The following COL24A1 variants were observed in gnomAD, a reference collection of about 807,000 sequenced individuals.
COL24A1 encodes the protein collagen type XXIV alpha 1 chain.
Under a neutral mutation model 253.9 loss-of-function variants are expected in COL24A1, and 224 were observed. That is an observed-to-expected ratio of 0.88 (90% CI 0.79 to 0.99). The LOEUF is 0.99. Among genes scored for constraint, COL24A1 ranks in the 50% least tolerant of loss-of-function variants. COL24A1 has a pLI of 0.00. For synonymous variants in COL24A1, 685 were observed against 673.7 expected, an observed-to-expected ratio of 1.02 and a Z score of -0.26; for missense variants, 2,131 against 2,068.5, an observed-to-expected ratio of 1.03 and a Z score of -0.59.
At chr1:85,766,881 A>G (rs1258779876) in intron 53 of COL24A1, among the ~76,000 whole-genome samples, 1 of 152,108 alleles carries the variant, frequency 6.6e-6, no homozygotes, top group Non-Finnish European at 1.5e-5. Context: ...TGAGGCGGGC[A>G]GATCACGAGG....
chr1:85,976,075 T>C lies in COL24A1; in HGVS notation c.2365-4682A>G, dbSNP rs573201669. 5.6e-4 allele frequency among the ~76,000 whole-genome samples: 85 copies of C among 152,236 alleles called. 1 individual carries two copies. Among genetic ancestry groups the C allele is most frequent in the Non-Finnish European group, 9.0e-4 (61 of 68,020 alleles). On this transcript the variant is annotated intron_variant, in intron 20 of 59. Coordinates refer to ENST00000370571, the MANE Select transcript of COL24A1 (RefSeq NM_152890.7). ...TCACAGGCTGAAAAAAGATTCCAAC[T>C]GAACTTTGTAATAATTTTGACTGAA...
At chr1:85,994,742 T>C (rs1307865146) in intron 19 of COL24A1, among the ~76,000 whole-genome samples, 1 of 152,190 alleles carries the variant, frequency 6.6e-6, no homozygotes, top group Non-Finnish European at 1.5e-5. Context: ...CAGTAATCTA[T>C]AGAAACTAAA....
chr1:86,034,048 C>T, intron 12 of COL24A1, 125 bp from the exon 13 acceptor site: 1 of 599,066 alleles, frequency 1.7e-6, no homozygotes, highest in Non-Finnish European at 2.7e-6. Flanking sequence ...ATGCAACAAA[C>T]ATTCTTTTGC....
chr1:85,835,588 T>C (rs929767477), intron 43 of COL24A1, among the ~76,000 whole-genome samples: 8 of 152,156 alleles, frequency 5.3e-5, no homozygotes, highest in African/African-American at 1.7e-4. Flanking sequence ...TATTCAGTCA[T>C]AAAGACAATA....
intron 13 of COL24A1, 52 bp from the exon 14 acceptor site, chr1:86,031,974 A>C (rs1284781983): frequency 2.1e-6 from 3 of 1,427,244 alleles, no homozygotes; most frequent in Non-Finnish European, 1.9e-6. Context: ...CCAACTACTA[A>C]GGGTATTTCT....
chr1:86,005,182 G>A (rs745498170), intron 19 of COL24A1, among the ~76,000 whole-genome samples: 8 of 152,062 alleles, frequency 5.3e-5, no homozygotes, highest in East Asian at 1.9e-4. Context: ...GTCAGATCAC[G>A]TAAAACAAAA....
At chr1:85,786,955 G>A (rs1346512976) in intron 47 of COL24A1, among the ~76,000 whole-genome samples, 1 of 152,138 alleles carries the variant, frequency 6.6e-6, no homozygotes, top group East Asian at 1.9e-4. Flanking sequence ...AATCAGGTTG[G>A]CAAACTACAC....
intron 24 of COL24A1, among the ~76,000 whole-genome samples, chr1:85,934,349 A>G (rs560328392): frequency 7.2e-5 from 11 of 152,308 alleles, no homozygotes; most frequent in African/African-American, 2.6e-4. Context: ...AACAATCACA[A>G]TGATTTAAAT....
At chr1:85,782,495 T>TAC (rs1192040640) in intron 51 of COL24A1, among the ~76,000 whole-genome samples, 1 of 102,012 alleles carries the variant, frequency 9.8e-6, no homozygotes, top group Non-Finnish European at 2.0e-5. Flanking sequence ...GTGGCACATA[T>TAC]ACACCATGGA....
rs1651853113 is a variant in COL24A1 at position 86,146,178 on chromosome 1, G to T, written c.62C>A (p.Ser21Ter). The T allele has an allele frequency of 2.5e-6, 4 of 1,608,886 alleles. No individual in the cohort carries two copies. The highest frequency in any genetic ancestry group is 3.4e-6 in the Non-Finnish European group (4 of 1,177,548). The change falls in exon 2 of 60, where the codon TCA becomes TAA. Residue 21 changes from serine to a stop codon, truncating the protein, a stop_gained. Transcript: ENST00000370571. LOFTEE classifies it high-confidence loss of function. Reference sequence around the variant, plus strand: ...ACATAGTACAATAAAATGAAGAAGTGATTTCCTAGGAAAAGAAAAAAGCAT... The same window carrying T: ...ACATAGTACAATAAAATGAAGAAGTTATTTCCTAGGAAAAGAAAAAAGCAT... ...GKVSPTAKTKSLLHFIVLCVA... is the reference protein window; with the variant it reads ...GKVSPTAKTK
intron 35 of COL24A1, among the ~76,000 whole-genome samples, chr1:85,871,554 A>G (rs1680493230): frequency 6.6e-6 from 1 of 152,238 alleles, no homozygotes; most frequent in Non-Finnish European, 1.5e-5. Context: ...ATGCGAATCA[A>G]TAAATGTAAT....
At chr1:85,887,284 T>G (rs1682622678) in intron 32 of COL24A1, among the ~76,000 whole-genome samples, 1 of 152,050 alleles carries the variant, frequency 6.6e-6, no homozygotes. Context: ...AACGGAAGAA[T>G]AAATGAACAA....
Position 85,970,263 on chromosome 1 carries a change from T to C in COL24A1, c.2427A>G (p.Glu809=). Reference sequence around the variant, plus strand: ...GTTCCCCAAAGGCTCCAATTGGTCCTTCTTCTCCCTTAAAAAAAAAAAAAG... The same window carrying C: ...GTTCCCCAAAGGCTCCAATTGGTCCCTCTTCTCCCTTAAAAAAAAAAAAAG... ...PPGLKGTQGE[E]GPIGAFGELG... is the part of the protein sequence containing the mutation. The change falls in exon 22 of 60, where the codon GAA becomes GAG. Residue 809 remains glutamate, a synonymous_variant. Transcript: ENST00000370571. 1.3e-6 allele frequency: 2 copies of C among 1,593,560 alleles called. No individual in the cohort carries two copies. Among genetic ancestry groups the C allele is most frequent in the Non-Finnish European group, 1.7e-6 (2 of 1,171,842 alleles).
intron 8 of COL24A1, among the ~76,000 whole-genome samples, chr1:86,059,764 C>A (rs1700940999): frequency 6.6e-6 from 1 of 152,102 alleles, no homozygotes; most frequent in Non-Finnish European, 1.5e-5. Context: ...AATCCTAACC[C>A]TGCTGATAAT....
At chr1:85,851,886 T>A (rs1353865152) in intron 37 of COL24A1, among the ~76,000 whole-genome samples, 1 of 152,342 alleles carries the variant, frequency 6.6e-6, no homozygotes, top group East Asian at 1.9e-4. Context: ...TATTACGACT[T>A]TGGACTAACA....
At chr1:85,792,473 G>A (rs1670373199) in intron 47 of COL24A1, among the ~76,000 whole-genome samples, 1 of 148,718 alleles carries the variant, frequency 6.7e-6, no homozygotes, top group South Asian at 2.1e-4. Flanking sequence ...AGGATTACTT[G>A]AGCCCAGGAG....
intron 50 of COL24A1, 64 bp from the exon 51 acceptor site, chr1:85,783,622 T>G (rs373120272): frequency 1.1e-5 from 15 of 1,361,326 alleles, no homozygotes; most frequent in East Asian, 6.9e-5. Flanking sequence ...TTTACAAAAC[T>G]ATATAAATCT....
At chr1:85,763,879 A>C (rs1453121002) in intron 53 of COL24A1, among the ~76,000 whole-genome samples, 3 of 152,192 alleles carry the variant, frequency 2.0e-5, no homozygotes, top group Non-Finnish European at 4.4e-5. Context: ...ACTTCCTATG[A>C]AAACAAGATT....
chr1:85,904,462 T>C (rs960682207), intron 28 of COL24A1, among the ~76,000 whole-genome samples: 1 of 152,188 alleles, frequency 6.6e-6, no homozygotes, highest in Non-Finnish European at 1.5e-5. Flanking sequence ...ACTATCTTTC[T>C]GGTACTGAAT....
Sources: allele counts gnomAD v4.1 joint callset (sites outside exome capture counted in the v4.1 genomes callset), GRCh38; gene constraint gnomAD v4.1.1; transcripts MANE v1.5; gene names NCBI Gene and HGNC (gene_info 2026-07-23, HGNC 2026-07-21).